The following C13orf42 variants were observed in gnomAD, a reference collection of about 807,000 sequenced individuals.
The protein encoded by C13orf42 is uncharacterized protein C13orf42.
At chr13:51,161,633 T>C (rs1953865125) in intron 1 of C13orf42, 1 of 174,016 alleles carries the variant, frequency 5.7e-6, no homozygotes, top group Non-Finnish European at 1.2e-5. Context: ...CTAAGCTTGC[T>C]TACCTTGCCT....
At chr13:51,162,984 A>G (rs1953877896) in intron 1 of C13orf42, among the ~76,000 whole-genome samples, 1 of 152,172 alleles carries the variant, frequency 6.6e-6, no homozygotes, top group Non-Finnish European at 1.5e-5. Context: ...ACATATATTG[A>G]GGGAAAACTG....
intron 1 of C13orf42, among the ~76,000 whole-genome samples, chr13:51,145,427 G>A (rs1953726869): frequency 6.6e-6 from 1 of 152,006 alleles, no homozygotes; most frequent in African/African-American, 2.4e-5. Context: ...CTAAAAATGA[G>A]ATTTCCAGAC....
chr13:51,108,880 A>G (rs552839860), intron 1 of C13orf42, among the ~76,000 whole-genome samples: 32 of 152,350 alleles, frequency 2.1e-4, no homozygotes, highest in African/African-American at 7.0e-4. Flanking sequence ...GCCTCTGCAC[A>G]GCCATTCAAA....
chr13:51,128,456 T>C (rs1199559776), intron 1 of C13orf42, among the ~76,000 whole-genome samples: 1 of 152,110 alleles, frequency 6.6e-6, no homozygotes, highest in Non-Finnish European at 1.5e-5. Flanking sequence ...GTGGGGTGCA[T>C]ATACCTGGGT....
intron 1 of C13orf42, among the ~76,000 whole-genome samples, chr13:51,138,115 G>C (rs1192160786): frequency 2.0e-5 from 3 of 152,178 alleles, no homozygotes; most frequent in Non-Finnish European, 4.4e-5. Flanking sequence ...GCTGAGGGCA[G>C]GCCCTGGCGA....
chr13:51,154,295 G>A (rs1398889490), intron 1 of C13orf42, among the ~76,000 whole-genome samples: 2 of 152,168 alleles, frequency 1.3e-5, no homozygotes, highest in African/African-American at 4.8e-5. Context: ...CCATGAACAC[G>A]GTATGCAACT....
intron 1 of C13orf42, among the ~76,000 whole-genome samples, chr13:51,156,001 T>C (rs964488311): frequency 8.5e-5 from 13 of 152,256 alleles, no homozygotes; most frequent in South Asian, 4.2e-4. Flanking sequence ...TCAGTGTAGG[T>C]AGGAACTGCC....
chr13:51,087,297 C>A (rs1300695673), intron 2 of C13orf42, among the ~76,000 whole-genome samples: 4 of 152,222 alleles, frequency 2.6e-5, no homozygotes, highest in East Asian at 3.9e-4. Context: ...TGGGTCTGGG[C>A]AGCCACCGTG....
At chr13:51,137,668 CTCTT>C (rs990707692) in intron 1 of C13orf42, among the ~76,000 whole-genome samples, 10 of 152,214 alleles carry the variant, frequency 6.6e-5, no homozygotes, top group Non-Finnish European at 8.8e-5. Flanking sequence ...TCCTCCTTTC[CTCTT>C]TCTTTCATAT....
intron 1 of C13orf42, among the ~76,000 whole-genome samples, chr13:51,171,694 A>C (rs1214794291): frequency 1.3e-5 from 2 of 151,706 alleles, no homozygotes; most frequent in East Asian, 1.9e-4. Flanking sequence ...CCAGCAATTT[A>C]CTCTTAAAAA....
intron 1 of C13orf42, among the ~76,000 whole-genome samples, chr13:51,141,893 G>A (rs1593549773): frequency 6.6e-6 from 1 of 152,172 alleles, no homozygotes; most frequent in East Asian, 1.9e-4. Flanking sequence ...TAATAAATAA[G>A]CCAGCTTTAA....
At chr13:51,114,318 C>A (rs561955182), upstream of C13orf42, among the ~76,000 whole-genome samples, 1 of 152,314 alleles carries the variant, frequency 6.6e-6, no homozygotes, top group African/African-American at 2.4e-5. Context: ...AAACTAGATA[C>A]CACCTATTTC....
chr13:51,132,180 C>T (rs1033686744), intron 1 of C13orf42, among the ~76,000 whole-genome samples: 9 of 152,174 alleles, frequency 5.9e-5, no homozygotes, highest in African/African-American at 1.9e-4. Context: ...CGGTGGCTCA[C>T]GCCTGTAATC....
At chr13:51,148,742 A>G (rs979179482) in intron 1 of C13orf42, among the ~76,000 whole-genome samples, 1 of 152,224 alleles carries the variant, frequency 6.6e-6, no homozygotes, top group African/African-American at 2.4e-5. Context: ...TAACTGGCTG[A>G]GGGCCCAAAT....
At chr13:51,141,797 C>CAA (rs34959889) in intron 1 of C13orf42, among the ~76,000 whole-genome samples, 17 of 150,506 alleles carry the variant, frequency 1.1e-4, no homozygotes, top group African/African-American at 1.5e-4. Flanking sequence ...GACTCCATCT[C>CAA]AAAAAAAAAC....
chr13:51,118,438 G>T (rs570105658), intron 1 of C13orf42, among the ~76,000 whole-genome samples: 1 of 152,172 alleles, frequency 6.6e-6, no homozygotes, highest in African/African-American at 2.4e-5. Context: ...TCGATGGAAG[G>T]ACACTGATTG....
chr13:51,106,705 T>C (rs1953359965), intron 1 of C13orf42, among the ~76,000 whole-genome samples: 1 of 152,172 alleles, frequency 6.6e-6, no homozygotes, highest in South Asian at 2.1e-4. Flanking sequence ...TCCTCCTGAC[T>C]GGCAAGAAAC....
upstream of C13orf42, among the ~76,000 whole-genome samples, chr13:51,111,418 G>A (rs189818027): frequency 1.8e-3 from 269 of 152,272 alleles, 2 homozygotes; most frequent in Middle Eastern, 0.014. Flanking sequence ...TAACCAAGAG[G>A]CCATAAACAA....
rs912039074 is a variant in C13orf42, at chr13:51,084,117, C to A, written c.*34G>T. 7.5e-6 allele frequency: 3 copies of A among 398,538 alleles called. No homozygotes were observed. In the Admixed American group the frequency reaches 1.3e-4, roughly 18 times the overall value. 24.7% of individuals were successfully genotyped at this position (398,538 alleles called of 1,614,324 possible). A position where few individuals can be genotyped will look rare whatever the true frequency, so the allele number is the denominator to read the frequency against. ...TGAAAGCGGACAGCTTCTCAGGGAC[C>A]CAGTCTGAGACACGTCAAGGAATCC... On this transcript the variant is annotated 3_prime_UTR_variant, in exon 4 of 4. Transcript: ENST00000563710.
Sources: allele counts gnomAD v4.1 joint callset (sites outside exome capture counted in the v4.1 genomes callset), GRCh38; gene constraint gnomAD v4.1.1; transcripts MANE v1.5; gene names NCBI Gene and HGNC (gene_info 2026-07-23, HGNC 2026-07-21).